Variants in GAREM1 observed in about 807,000 individuals in gnomAD.
GAREM1 encodes the protein GRB2-associated and regulator of MAPK protein 1.
In GAREM1, 26 loss-of-function variants were observed where a neutral mutation model predicts 71.3. The ratio of observed to expected loss-of-function variants is 0.36; its 90% CI spans 0.27 to 0.51. The LOEUF is 0.51. GAREM1 is among the 20% of genes least tolerant of loss of function. The pLI is 0.95. For missense variants in GAREM1, 1,026 were observed against 1,103.1 expected (o/e 0.93, Z 0.99); for synonymous variants, 440 against 433.2 (o/e 1.02, Z -0.20).
intron 2 of GAREM1, among the ~76,000 whole-genome samples, chr18:32,386,773 C>T (rs1465229173): frequency 6.6e-6 from 1 of 152,156 alleles, no homozygotes; most frequent in Non-Finnish European, 1.5e-5. Flanking sequence ...TCAAAGCTGT[C>T]TCTTGCTAGA....
At chr18:32,423,959 C>A (rs1406198856) in intron 1 of GAREM1, among the ~76,000 whole-genome samples, 5 of 151,912 alleles carry the variant, frequency 3.3e-5, no homozygotes, top group Non-Finnish European at 5.9e-5. Context: ...CATAAAGAGA[C>A]CCTGTCTCTA....
chr18:32,463,982 G>A (rs920973915), intron 1 of GAREM1, among the ~76,000 whole-genome samples: 10 of 136,524 alleles, frequency 7.3e-5, no homozygotes, highest in Non-Finnish European at 1.6e-4. Context: ...TGATGAGTAC[G>A]TGGTTAAAAA....
At chr18:32,335,856 T>C (rs879600512) in intron 2 of GAREM1, among the ~76,000 whole-genome samples, 1 of 152,198 alleles carries the variant, frequency 6.6e-6, no homozygotes, top group Non-Finnish European at 1.5e-5. Flanking sequence ...TTAATTGATC[T>C]GAAGTTCACA....
chr18:32,378,795 A>G (rs2048065730), intron 2 of GAREM1, among the ~76,000 whole-genome samples: 1 of 152,200 alleles, frequency 6.6e-6, no homozygotes, highest in Admixed American at 6.5e-5. Context: ...GAGTCTCCTC[A>G]GCAGACTCAG....
At chr18:32,379,208 T>G (rs8097234) in intron 2 of GAREM1, among the ~76,000 whole-genome samples, 46 of 152,196 alleles carry the variant, frequency 3.0e-4, no homozygotes, top group African/African-American at 1.1e-3. Flanking sequence ...CCCAGAGTAC[T>G]TACTATTATG....
chr18:32,400,115 G>C (rs1165239711), intron 1 of GAREM1, among the ~76,000 whole-genome samples: 1 of 152,186 alleles, frequency 6.6e-6, no homozygotes, highest in Non-Finnish European at 1.5e-5. Context: ...AAACTGGCTA[G>C]CCATATGTAG....
chr18:32,430,169 G>C (rs2048610374), intron 1 of GAREM1, among the ~76,000 whole-genome samples: 1 of 152,158 alleles, frequency 6.6e-6, no homozygotes, highest in South Asian at 2.1e-4. Flanking sequence ...ACAGACCAAA[G>C]ACAAAATCAT....
At chr18:32,306,466 C>A (rs1470235360) in intron 3 of GAREM1, among the ~76,000 whole-genome samples, 1 of 140,744 alleles carries the variant, frequency 7.1e-6, no homozygotes, top group African/African-American at 2.8e-5. Flanking sequence ...AGCAGCAACC[C>A]CCCCCACCCA....
intron 2 of GAREM1, among the ~76,000 whole-genome samples, chr18:32,380,474 TAAAAAAAAAA>T (rs35881689): frequency 7.6e-5 from 7 of 92,470 alleles, no homozygotes; most frequent in Non-Finnish European, 1.2e-4. Flanking sequence ...AGACTTCATT[TAAAAAAAAAA>T]AAAAAAAAAA....
chr18:32,349,568 T>C (rs2047728259), intron 2 of GAREM1, among the ~76,000 whole-genome samples: 1 of 152,114 alleles, frequency 6.6e-6, no homozygotes, highest in Non-Finnish European at 1.5e-5. Context: ...TTGTTATTTG[T>C]GAAAAGGAAA....
rs527773326 is a variant in GAREM1 at position 32,470,504 on chromosome 18, C to A, written c.-76G>T. 151 of 1,079,136 alleles carry A rather than the reference C, an allele frequency of 1.4e-4. No individual in the cohort carries two copies. The East Asian group carries it at 7.8e-3, about 56-fold the overall frequency. 66.8% of individuals were successfully genotyped at this position (1,079,136 alleles called of 1,614,324 possible). On this transcript the variant is annotated 5_prime_UTR_variant, in exon 1 of 6. Coordinates refer to ENST00000269209, the MANE Select transcript of GAREM1 (RefSeq NM_001242409.2). The surrounding 1 kb of genome is among the most constrained non-coding windows in gnomAD (Gnocchi z 4.4). ...ACCCGCGCCTCGGCGGCCGCCGCTGCTCGCGCTCGCGGTCTGGGGCGCGCG... is the reference window on the plus strand; with the variant it reads ...ACCCGCGCCTCGGCGGCCGCCGCTGATCGCGCTCGCGGTCTGGGGCGCGCG...
chr18:32,321,624 C>T (rs1292077875), intron 2 of GAREM1, among the ~76,000 whole-genome samples: 1 of 152,212 alleles, frequency 6.6e-6, no homozygotes, highest in Non-Finnish European at 1.5e-5. Flanking sequence ...CTTTTTACTT[C>T]CTGAATCAAG....
chr18:32,434,198 A>G (rs1317644126), intron 1 of GAREM1, among the ~76,000 whole-genome samples: 1 of 152,184 alleles, frequency 6.6e-6, no homozygotes, highest in Non-Finnish European at 1.5e-5. Flanking sequence ...AAAAAGGAGG[A>G]CTATCAAAAA....
chr18:32,331,352 G>A (rs1401454944), intron 2 of GAREM1, among the ~76,000 whole-genome samples: 2 of 152,262 alleles, frequency 1.3e-5, no homozygotes, highest in East Asian at 1.9e-4. Context: ...TAGCCATATG[G>A]AAGGAGGTAA....
At chr18:32,416,060 G>A (rs1247343337) in intron 1 of GAREM1, among the ~76,000 whole-genome samples, 1 of 151,978 alleles carries the variant, frequency 6.6e-6, no homozygotes, top group Admixed American at 6.6e-5. Context: ...AAAATCAATG[G>A]CATTTCTATA....
chr18:32,402,029 GTCTAGAAATAAAACT>G (rs2048320423), intron 1 of GAREM1, among the ~76,000 whole-genome samples: 1 of 152,122 alleles, frequency 6.6e-6, no homozygotes, highest in African/African-American at 2.4e-5. Context: ...CAGAAAAACT[GTCTAGAAATAAAACT>G]TAATATAATC....
chr18:32,363,537 T>C (rs1018771956), intron 2 of GAREM1, among the ~76,000 whole-genome samples: 69 of 152,176 alleles, frequency 4.5e-4, no homozygotes, highest in African/African-American at 1.6e-3. Flanking sequence ...TGAAAAATCC[T>C]TTTTGAACCG....
chr18:32,328,697 G>C (rs1005831608), intron 2 of GAREM1, among the ~76,000 whole-genome samples: 2 of 152,158 alleles, frequency 1.3e-5, no homozygotes, highest in Non-Finnish European at 2.9e-5. Context: ...AGTCTCTGGT[G>C]CTGGTAAAAC....
At chr18:32,363,491 G>T (rs2047887393) in intron 2 of GAREM1, among the ~76,000 whole-genome samples, 1 of 151,930 alleles carries the variant, frequency 6.6e-6, no homozygotes, top group South Asian at 2.1e-4. Flanking sequence ...AATTTCTTTT[G>T]CATTTCCCTG....
Sources: gnomAD v4.1 joint callset for allele counts (sites outside exome capture counted in the v4.1 genomes callset) on GRCh38, gnomAD v4.1.1 for gene constraint, Gnocchi (gnomAD v3.1) non-coding constraint, MANE v1.5 for transcripts, NCBI Gene and HGNC (gene_info 2026-07-23, HGNC 2026-07-21) for gene names.